C8orf34: variants seen among roughly 807,000 people sequenced by gnomAD.
C8orf34 encodes uncharacterized protein C8orf34.
A neutral mutation model predicts 68.3 loss-of-function variants in C8orf34; 65 were observed. The observed-to-expected ratio is 0.95, with a 90% CI of 0.78 to 1.17. The LOEUF (loss-of-function observed/expected upper bound fraction) is 1.17. Ranked by LOEUF, C8orf34 falls within the 50% of genes most tolerant of loss-of-function variation. The pLI is 0.00. For synonymous variants in C8orf34, 244 were observed against 241.2 expected (o/e 1.01, Z -0.11); for missense variants, 664 against 655.4 (o/e 1.01, Z -0.14).
intron 1 of C8orf34, among the ~76,000 whole-genome samples, chr8:68,382,470 C>T (rs56233749): frequency 0.05 from 7,630 of 152,254 alleles, 224 homozygotes; most frequent in South Asian, 0.061. Flanking sequence ...TCAAAAGTAA[C>T]GTGTACCTAC....
intron 8 of C8orf34, among the ~76,000 whole-genome samples, chr8:68,648,340 A>G (rs146224292): frequency 2.2e-3 from 338 of 152,368 alleles, no homozygotes; most frequent in African/African-American, 7.7e-3. Context: ...AAAAATTGTG[A>G]GCATTGCATT....
At chr8:68,704,920 T>C (rs1471379490) in intron 8 of C8orf34, among the ~76,000 whole-genome samples, 1 of 152,144 alleles carries the variant, frequency 6.6e-6, no homozygotes, top group Admixed American at 6.6e-5. Flanking sequence ...TTTTGAACAT[T>C]CTGATAGCCT....
intron 10 of C8orf34, among the ~76,000 whole-genome samples, chr8:68,758,446 C>T (rs1394915815): frequency 6.6e-6 from 1 of 152,140 alleles, no homozygotes; most frequent in East Asian, 1.9e-4. Flanking sequence ...TCAAGCCGTA[C>T]TCCTTAGTCT....
chr8:68,538,392 G>A (rs1307199989), intron 7 of C8orf34, among the ~76,000 whole-genome samples: 2 of 151,524 alleles, frequency 1.3e-5, no homozygotes, highest in Non-Finnish European at 2.9e-5. Flanking sequence ...GTAAAGTGCT[G>A]GTGACTACAT....
At chr8:68,791,114 C>T in intron 12 of C8orf34, 2 of 510,486 alleles carry the variant, frequency 3.9e-6, no homozygotes, top group Non-Finnish European at 6.9e-6. Flanking sequence ...TCGGTTTTCA[C>T]ACTGCTATAA....
intron 3 of C8orf34, among the ~76,000 whole-genome samples, chr8:68,464,397 G>A (rs1812005391): frequency 1.3e-5 from 2 of 152,126 alleles, no homozygotes; most frequent in African/African-American, 4.8e-5. Flanking sequence ...TAGATTCAAT[G>A]CCATCCCCAT....
At chr8:68,617,089 T>C (rs1215539467) in intron 7 of C8orf34, among the ~76,000 whole-genome samples, 1 of 152,198 alleles carries the variant, frequency 6.6e-6, no homozygotes, top group Non-Finnish European at 1.5e-5. Flanking sequence ...AAGTCTGTTT[T>C]ATCAGAGACT....
intron 10 of C8orf34, among the ~76,000 whole-genome samples, chr8:68,733,532 A>G (rs1362244764): frequency 6.6e-6 from 1 of 152,180 alleles, no homozygotes; most frequent in African/African-American, 2.4e-5. Context: ...TAACTACATC[A>G]TACAATAACT....
chr8:68,580,157 G>T (rs1817021362), intron 7 of C8orf34, among the ~76,000 whole-genome samples: 1 of 152,070 alleles, frequency 6.6e-6, no homozygotes, highest in African/African-American at 2.4e-5. Context: ...GAACCATAAA[G>T]ATGATTTTGG....
chr8:68,708,431 A>G (rs1821234703), intron 8 of C8orf34, among the ~76,000 whole-genome samples: 1 of 152,182 alleles, frequency 6.6e-6, no homozygotes, highest in African/African-American at 2.4e-5. Flanking sequence ...ATAGTTATAA[A>G]TTATGCCTGT....
intron 7 of C8orf34, among the ~76,000 whole-genome samples, chr8:68,569,280 T>A (rs546652398): frequency 6.6e-6 from 1 of 152,232 alleles, no homozygotes; most frequent in Non-Finnish European, 1.5e-5. Context: ...ACCACGCACG[T>A]GGTGGGAGCT....
intron 1 of C8orf34, chr8:68,438,054 C>A (rs1810737708): frequency 6.6e-6 from 1 of 152,060 alleles, no homozygotes; most frequent in Non-Finnish European, 1.5e-5. Context: ...TTTATTGGTA[C>A]AATAAGGGAT....
chr8:68,635,041 G>A (rs1348490148), intron 7 of C8orf34, among the ~76,000 whole-genome samples: 1 of 152,128 alleles, frequency 6.6e-6, no homozygotes, highest in Non-Finnish European at 1.5e-5. Context: ...GGAAAAAAGA[G>A]GTGCTATCCA....
chr8:68,408,348 T>C (rs912880328), intron 1 of C8orf34, among the ~76,000 whole-genome samples: 1 of 151,738 alleles, frequency 6.6e-6, no homozygotes, highest in African/African-American at 2.4e-5. Context: ...ATAATATAAA[T>C]AAAGTACACA....
intron 1 of C8orf34, among the ~76,000 whole-genome samples, chr8:68,390,270 T>C (rs16934555): frequency 0.041 from 6,275 of 152,164 alleles, 259 homozygotes; most frequent in African/African-American, 0.11. Context: ...GGGTTGCATG[T>C]CTGAGTTGAA....
chr8:68,797,940 T>C (rs923520373), intron 12 of C8orf34, among the ~76,000 whole-genome samples: 54 of 151,938 alleles, frequency 3.6e-4, no homozygotes, highest in Admixed American at 2.0e-4. Flanking sequence ...CACAAATATT[T>C]GTAGAGAAAA....
At chr8:68,800,060 C>G (rs1264604051) in intron 12 of C8orf34, among the ~76,000 whole-genome samples, 2 of 152,106 alleles carry the variant, frequency 1.3e-5, no homozygotes, top group African/African-American at 2.4e-5. Context: ...GGAAATATGC[C>G]TGGAAAACTA....
rs879358191 is a variant in C8orf34, at chr8:68,779,198, C to T, written c.1455+2749C>T. Among the ~76,000 whole-genome samples the T allele has an allele frequency of 4.1e-3, 617 of 149,568 alleles. 2 individuals carry two copies. The highest frequency in any genetic ancestry group is 7.3e-3 in the Non-Finnish European group (494 of 67,594). On this transcript the variant is annotated intron_variant, in intron 11 of 13. Coordinates refer to ENST00000518698, the MANE Select transcript of C8orf34 (RefSeq NM_052958.4). The stretch of plus-strand genomic sequence containing the variant: ...TCTCTGAAACACACACACACACACA[C>T]ACACACACACACACACACACACACA...
chr8:68,803,826 A>T (rs1243645012), intron 12 of C8orf34, among the ~76,000 whole-genome samples: 2 of 152,050 alleles, frequency 1.3e-5, no homozygotes, highest in East Asian at 3.9e-4. Context: ...TTTTTTTTTA[A>T]CTGAATTATA....
Sources: gnomAD v4.1 joint callset for allele counts (sites outside exome capture counted in the v4.1 genomes callset) on GRCh38, gnomAD v4.1.1 for gene constraint, MANE v1.5 for transcripts, NCBI Gene and HGNC (gene_info 2026-07-23, HGNC 2026-07-21) for gene names.